Variants in SUFU observed in about 807,000 individuals in gnomAD.
SUFU encodes the protein suppressor of fused homolog.
Under a neutral mutation model 58.9 loss-of-function variants are expected in SUFU, and 7 were observed. That is an observed-to-expected ratio of 0.12 (90% confidence interval 0.07 to 0.22). SUFU has a LOEUF of 0.22. SUFU is among the 10% of genes least tolerant of loss of function. The pLI is 1.00. For synonymous variants in SUFU, 232 were observed against 254.8 expected, an observed-to-expected ratio of 0.91 and a Z score of 0.85; for missense variants, 451 against 641.3, an observed-to-expected ratio of 0.70 and a Z score of 3.20.
At chr10:102,561,991 G>A (rs2063042660) in intron 3 of SUFU, among the ~76,000 whole-genome samples, 1 of 152,106 alleles carries the variant, frequency 6.6e-6, no homozygotes, top group Non-Finnish European at 1.5e-5. Context: ...ACAGTGTGTT[G>A]CACAGTTTAG....
intron 7 of SUFU, among the ~76,000 whole-genome samples, chr10:102,597,643 A>C (rs2063476919): frequency 6.6e-6 from 1 of 152,238 alleles, no homozygotes; most frequent in Non-Finnish European, 1.5e-5. Context: ...AGTGTCGGCC[A>C]CCCACGGAAT....
chr10:102,528,138 G>A (rs1171437652), intron 2 of SUFU, among the ~76,000 whole-genome samples: 1 of 152,160 alleles, frequency 6.6e-6, no homozygotes, highest in Non-Finnish European at 1.5e-5. Flanking sequence ...TCCCCTGGGG[G>A]CTGGCTGACC....
At chr10:102,568,923 CATATATAT>C (rs1166324733) in intron 3 of SUFU, among the ~76,000 whole-genome samples, 14 of 39,082 alleles carry the variant, frequency 3.6e-4, no homozygotes, top group South Asian at 1.9e-3. Flanking sequence ...TATATATACA[CATATATAT>C]ATATATATAT....
intron 2 of SUFU, among the ~76,000 whole-genome samples, chr10:102,516,664 C>T (rs2062474833): frequency 1.3e-5 from 2 of 152,162 alleles, no homozygotes; most frequent in South Asian, 2.1e-4. Context: ...TGTCCTGCTT[C>T]AGCCTCCCAA....
chr10:102,523,452 C>G (rs1306790818), intron 2 of SUFU, among the ~76,000 whole-genome samples: 1 of 152,166 alleles, frequency 6.6e-6, no homozygotes, highest in East Asian at 1.9e-4. Flanking sequence ...GCCCAGGCTA[C>G]CAGTCCCAGG....
In SUFU at chr10:102,619,417, T is replaced by A; in HGVS notation, c.1296+1989T>A. The stretch of plus-strand genomic sequence containing the variant: ...CCGGGGCGCGGTGGGAACGAGCTGC[T>A]GGCCTCGGCATGTTTCAATAAAGTT... On this transcript the variant is annotated intron_variant, in intron 10 of 11. Coordinates refer to ENST00000369902, the MANE Select transcript of SUFU (RefSeq NM_016169.4). This position sits in a 1 kb window ranked among gnomAD's most constrained non-coding sequence, Gnocchi z 4.2. The A allele has an allele frequency of 1.5e-6, 2 of 1,350,416 alleles. No homozygotes were observed. The highest frequency in any genetic ancestry group is 1.9e-6 in the Non-Finnish European group (2 of 1,046,948). The allele number at this position is 1,350,416 out of a possible 1,614,324, so 83.7% of individuals were successfully genotyped here.
Position 102,599,399 on chromosome 10 carries a change from T to C in SUFU, c.911-34T>C, listed in dbSNP as rs748425998. ...GGGGTGAGAATTGCTGGGAGCCCAC[T>C]GGGCCACTGGGCAACTTAGTGGTGT... On this transcript the variant is annotated intron_variant, in intron 7 of 11. Transcript: ENST00000369902. The C allele has an allele frequency of 7.1e-6, 11 of 1,547,748 alleles. No homozygotes were observed. The Admixed American group carries it at 1.8e-4, about 26-fold the overall frequency.
rs1188650469 is a variant in SUFU, at chr10:102,619,409, C to T, written c.1296+1981C>T. ...CCAGGGAACCGGGGCGCGGTGGGAACGAGCTGCTGGCCTCGGCATGTTTCA... is the reference window on the plus strand; with the variant it reads ...CCAGGGAACCGGGGCGCGGTGGGAATGAGCTGCTGGCCTCGGCATGTTTCA... On this transcript the variant is annotated intron_variant, in intron 10 of 11. Coordinates refer to ENST00000369902, the MANE Select transcript of SUFU (RefSeq NM_016169.4). The surrounding 1 kb of genome is among the most constrained non-coding windows in gnomAD (Gnocchi z 4.2). 8.8e-6 allele frequency: 12 copies of T among 1,363,230 alleles called. No homozygotes were observed. The highest frequency in any genetic ancestry group is 4.4e-5 in the African/African-American group (3 of 68,646). 84.4% of individuals were successfully genotyped at this position (1,363,230 alleles called of 1,614,324 possible).
intron 2 of SUFU, among the ~76,000 whole-genome samples, chr10:102,541,975 C>G (rs80157931): frequency 0.3 from 44,381 of 147,886 alleles, 6,943 homozygotes; most frequent in Admixed American, 0.35. Context: ...ACCTCTGCCT[C>G]CTGGGTTCAA....
intron 3 of SUFU, among the ~76,000 whole-genome samples, chr10:102,583,747 G>A (rs1417270606): frequency 1.3e-5 from 2 of 151,528 alleles, no homozygotes; most frequent in African/African-American, 4.9e-5. Flanking sequence ...GGGTACATGT[G>A]CACAACGTGC....
chr10:102,630,408 A>G lies in SUFU; in HGVS notation c.*253A>G. 1 of 546,278 alleles carries G rather than the reference A, an allele frequency of 1.8e-6. No individual in the cohort carries two copies. Among genetic ancestry groups the G allele is most frequent in the Non-Finnish European group, 3.3e-6 (1 of 302,234 alleles). 33.8% of individuals were successfully genotyped at this position (546,278 alleles called of 1,614,324 possible). A position where few individuals can be genotyped will look rare whatever the true frequency, so the allele number is the denominator to read the frequency against. Reference sequence around the variant, plus strand: ...CAGGCCAGTGAGTGGGCAAATGCGGACCCTCCCTGCCTGCAGCCTGCACAG... The same window carrying G: ...CAGGCCAGTGAGTGGGCAAATGCGGGCCCTCCCTGCCTGCAGCCTGCACAG... On this transcript the variant is annotated 3_prime_UTR_variant, in exon 12 of 12. Coordinates refer to ENST00000369902, the MANE Select transcript of SUFU (RefSeq NM_016169.4).
intron 5 of SUFU, 114 bp from the exon 6 acceptor site, chr10:102,593,879 C>A: frequency 1.4e-6 from 2 of 1,427,900 alleles, no homozygotes; most frequent in Non-Finnish European, 2.0e-6. Flanking sequence ...AGTCCCTGAC[C>A]ACGAACTATT....
chr10:102,535,974 T>A (rs1211918261), intron 2 of SUFU, among the ~76,000 whole-genome samples: 3 of 144,378 alleles, frequency 2.1e-5, no homozygotes, highest in South Asian at 4.3e-4. Flanking sequence ...GATGATGTTG[T>A]TGATGATTTT....
chr10:102,518,022 G>A (rs1424699983), intron 2 of SUFU, among the ~76,000 whole-genome samples: 1 of 152,126 alleles, frequency 6.6e-6, no homozygotes, highest in Non-Finnish European at 1.5e-5. Flanking sequence ...ATTGGGACTG[G>A]GAGCAGCTTC....
chr10:102,589,646 A>G (rs1240455699), intron 3 of SUFU, among the ~76,000 whole-genome samples: 1 of 151,406 alleles, frequency 6.6e-6, no homozygotes, highest in Non-Finnish European at 1.5e-5. Context: ...GGGTTTCACC[A>G]TATTGGTCAG....
At chr10:102,604,052 C>T (rs2063539829) in intron 8 of SUFU, among the ~76,000 whole-genome samples, 1 of 152,230 alleles carries the variant, frequency 6.6e-6, no homozygotes, top group Non-Finnish European at 1.5e-5. Flanking sequence ...AACCCTGCTT[C>T]AAGGGGTCTC....
Position 102,628,209 on chromosome 10 carries a change from C to T in SUFU, c.1365+966C>T, listed in dbSNP as rs911655133. On this transcript the variant is annotated intron_variant, in intron 11 of 11. Coordinates refer to ENST00000369902, the MANE Select transcript of SUFU (RefSeq NM_016169.4). This position sits in a 1 kb window ranked among gnomAD's most constrained non-coding sequence, Gnocchi z 4.5. ...TGGAGCTTCCAGCTTCCAGGGCTCC[C>T]TGGGCTGCAACAGCCAGGACACAGG... Among the ~76,000 whole-genome samples the T allele has an allele frequency of 4.4e-4, 67 of 152,148 alleles. No individual in the cohort carries two copies. The highest frequency in any genetic ancestry group is 1.6e-3 in the African/African-American group (65 of 41,428).
chr10:102,567,800 CCTGGGGCACTGTG>C (rs1208519562), intron 3 of SUFU, among the ~76,000 whole-genome samples: 1 of 152,124 alleles, frequency 6.6e-6, no homozygotes, highest in Non-Finnish European at 1.5e-5. Flanking sequence ...AAGCTGCATA[CCTGGGGCACTGTG>C]CTGGGCAGGG....
chr10:102,573,115 T>C (rs1210680367), intron 3 of SUFU: 2 of 778,658 alleles, frequency 2.6e-6, no homozygotes, highest in Non-Finnish European at 2.3e-6. Context: ...GGATCTTCTT[T>C]TTTTTGTGGC....
Sources: allele counts gnomAD v4.1 joint callset (sites outside exome capture counted in the v4.1 genomes callset), GRCh38; gene constraint gnomAD v4.1.1; non-coding constraint Gnocchi (gnomAD v3.1); transcripts MANE v1.5; gene names NCBI Gene and HGNC (gene_info 2026-07-23, HGNC 2026-07-21).